VTI1A: variants seen among roughly 807,000 people sequenced by gnomAD.
VTI1A encodes the protein vesicle transport through interaction with t-SNAREs homolog 1A.
VTI1A carries 22 observed loss-of-function variants against 34.9 expected under a neutral mutation model. That is an observed-to-expected ratio of 0.63 (90% CI 0.45 to 0.90). VTI1A has a LOEUF of 0.90. VTI1A is among the 40% of genes least tolerant of loss of function. The pLI, the probability that VTI1A is intolerant of heterozygous loss-of-function variation, is 0.00. For missense variants in VTI1A, 268 were observed against 275.6 expected (o/e 0.97, Z 0.20); for synonymous variants, 87 against 97.3 (o/e 0.89, Z 0.62).
At chr10:112,686,397 AC>A (rs1255498486) in intron 7 of VTI1A, among the ~76,000 whole-genome samples, 1 of 152,200 alleles carries the variant, frequency 6.6e-6, no homozygotes, top group Non-Finnish European at 1.5e-5. Context: ...ATGGAGAGGC[AC>A]CATTGTAAAC....
chr10:112,736,409 G>A (rs1310291704), intron 7 of VTI1A, among the ~76,000 whole-genome samples: 1 of 152,038 alleles, frequency 6.6e-6, no homozygotes, highest in African/African-American at 2.4e-5. Flanking sequence ...TAGTCTCTAA[G>A]AATGGTGCCC....
chr10:112,638,801 T>G (rs1181031808), intron 5 of VTI1A, among the ~76,000 whole-genome samples: 1 of 150,862 alleles, frequency 6.6e-6, no homozygotes, highest in Non-Finnish European at 1.5e-5. Flanking sequence ...TCTGGCTTAG[T>G]CCTAGCAAAA....
chr10:112,617,439 G>A (rs1407346608), intron 5 of VTI1A, among the ~76,000 whole-genome samples: 2 of 152,052 alleles, frequency 1.3e-5, no homozygotes, highest in African/African-American at 4.8e-5. Context: ...ATATAAAAAT[G>A]AAAACTGAAT....
At chr10:112,791,750 C>G (rs189217888) in intron 7 of VTI1A, among the ~76,000 whole-genome samples, 6 of 151,538 alleles carry the variant, frequency 4.0e-5, no homozygotes, top group Admixed American at 3.9e-4. Context: ...ACTTTGGGTA[C>G]GTATAACTTA....
chr10:112,613,524 T>C (rs1564848928), intron 5 of VTI1A, among the ~76,000 whole-genome samples: 1 of 152,216 alleles, frequency 6.6e-6, no homozygotes, highest in Non-Finnish European at 1.5e-5. Context: ...GGCCTCTTTT[T>C]TTCTCTTCTC....
chr10:112,597,693 CTTTTTTTTTT>C (rs1180451909), intron 5 of VTI1A, among the ~76,000 whole-genome samples: 1 of 90,638 alleles, frequency 1.1e-5, no homozygotes, highest in Non-Finnish European at 2.0e-5. Flanking sequence ...GACCTTGTCT[CTTTTTTTTTT>C]TTTTTTTTTT....
chr10:112,769,144 T>C (rs1346439237), intron 7 of VTI1A, among the ~76,000 whole-genome samples: 1 of 152,146 alleles, frequency 6.6e-6, no homozygotes, highest in Admixed American at 6.5e-5. Context: ...TTGTGTGAAA[T>C]AGGGAGAGCT....
At chr10:112,646,018 A>G (rs1279691245) in intron 5 of VTI1A, among the ~76,000 whole-genome samples, 2 of 148,846 alleles carry the variant, frequency 1.3e-5, no homozygotes, top group Admixed American at 1.4e-4. Flanking sequence ...ATAGAATGCT[A>G]TCTTCTTATC....
chr10:112,591,048 C>T (rs1333840849), intron 5 of VTI1A, among the ~76,000 whole-genome samples: 1 of 152,148 alleles, frequency 6.6e-6, no homozygotes, highest in African/African-American at 2.4e-5. Flanking sequence ...TTGCAGTGAG[C>T]CGAGATTGCA....
At chr10:112,662,846 G>A (rs1056318582) in intron 5 of VTI1A, among the ~76,000 whole-genome samples, 2 of 152,152 alleles carry the variant, frequency 1.3e-5, no homozygotes, top group Non-Finnish European at 2.9e-5. Context: ...AGTTGAGTTG[G>A]TGCTGAGCTG....
chr10:112,591,537 C>CACACACAG (rs758504431), intron 5 of VTI1A, among the ~76,000 whole-genome samples: 1 of 152,062 alleles, frequency 6.6e-6, no homozygotes, highest in Non-Finnish European at 1.5e-5. Flanking sequence ...CACACACACA[C>CACACACAG]AAAACGAAGA....
At chr10:112,694,049 A>G (rs537477324) in intron 7 of VTI1A, among the ~76,000 whole-genome samples, 3 of 152,278 alleles carry the variant, frequency 2.0e-5, no homozygotes. Context: ...TCTACTAAAA[A>G]TACAAAAATT....
chr10:112,505,309 G>A (rs1849387799), intron 3 of VTI1A, among the ~76,000 whole-genome samples: 1 of 152,008 alleles, frequency 6.6e-6, no homozygotes, highest in African/African-American at 2.4e-5. Flanking sequence ...CTGGTTGTTT[G>A]TATGACTTGA....
intron 3 of VTI1A, among the ~76,000 whole-genome samples, chr10:112,499,204 A>T (rs564433688): frequency 6.6e-6 from 1 of 152,206 alleles, no homozygotes; most frequent in East Asian, 1.9e-4. Context: ...TACCTCTGAA[A>T]CTTTTTTGCT....
At chr10:112,742,639 G>C (rs1471963345) in intron 7 of VTI1A, among the ~76,000 whole-genome samples, 1 of 152,216 alleles carries the variant, frequency 6.6e-6, no homozygotes, top group East Asian at 1.9e-4. Flanking sequence ...AGGATGTCAA[G>C]TTTGTAGGAA....
intron 5 of VTI1A, among the ~76,000 whole-genome samples, chr10:112,547,874 C>A (rs533141011): frequency 2.0e-5 from 3 of 151,850 alleles, no homozygotes; most frequent in East Asian, 3.9e-4. Flanking sequence ...TTATCTAGTT[C>A]TTTTTAAAGA....
chr10:112,714,853 A>G (rs1849547897), intron 7 of VTI1A, among the ~76,000 whole-genome samples: 1 of 152,254 alleles, frequency 6.6e-6, no homozygotes, highest in African/African-American at 2.4e-5. Flanking sequence ...AAACTGGCCT[A>G]CATAACTCAT....
At chr10:112,498,486 A>T (rs1638653358) in intron 3 of VTI1A, among the ~76,000 whole-genome samples, 1 of 151,968 alleles carries the variant, frequency 6.6e-6, no homozygotes, top group Non-Finnish European at 1.5e-5. Flanking sequence ...GCTCAATGGG[A>T]TTTCCTTACT....
chr10:112,597,205 G>A, intron 5 of VTI1A, among the ~76,000 whole-genome samples: 1 of 152,036 alleles, frequency 6.6e-6, no homozygotes. Flanking sequence ...TCTTTGGGCT[G>A]TGGTTTGTTT....
Sources: allele counts gnomAD v4.1 joint callset (sites outside exome capture counted in the v4.1 genomes callset), GRCh38; gene constraint gnomAD v4.1.1; transcripts MANE v1.5; gene names NCBI Gene and HGNC (gene_info 2026-07-23, HGNC 2026-07-21).